The following C8A variants were observed in gnomAD, a reference collection of about 807,000 sequenced individuals.
C8A encodes complement C8 alpha chain, also known as complement component C8 alpha chain.
C8A carries 67 observed loss-of-function variants against 65.3 expected under a neutral mutation model. The observed-to-expected ratio is 1.03, with a 90% CI of 0.84 to 1.26. The LOEUF is 1.26. Ranked by LOEUF, C8A falls within the 50% of genes most tolerant of loss-of-function variation. C8A has a pLI of 0.00. For synonymous variants in C8A, 290 were observed against 259.4 expected, an observed-to-expected ratio of 1.12 and a Z score of -1.13; for missense variants, 781 against 723.9, an observed-to-expected ratio of 1.08 and a Z score of -0.90.
At chr1:56,916,089 G>C (rs1644548902) in intron 10 of C8A, among the ~76,000 whole-genome samples, 1 of 152,206 alleles carries the variant, frequency 6.6e-6, no homozygotes, top group African/African-American at 2.4e-5. Context: ...GCCTCTCCAT[G>C]GTCCAGTGCC....
chr1:56,866,146 T>C (rs914179160), intron 1 of C8A, among the ~76,000 whole-genome samples: 2 of 152,190 alleles, frequency 1.3e-5, no homozygotes, highest in African/African-American at 4.8e-5. Context: ...TACATAACCA[T>C]GTGAGGCTGA....
chr1:56,886,056 A>G lies in C8A; in HGVS notation c.985A>G (p.Met329Val). Residue 329 changes from methionine to valine, a missense_variant, in exon 7 of 11, where the codon ATG (methionine) becomes GTG (valine). Met to Val is a conservative substitution (Grantham distance 21, BLOSUM62 1). Coordinates refer to ENST00000361249, the MANE Select transcript of C8A (RefSeq NM_000562.3). The part of the protein sequence containing the change: ...MELPDQYNYG[M>V]YAKFINDYGT... Reference sequence around the variant, plus strand: ...GCTTCCAGATCAGTACAATTATGGCATGTATGCCAAGTTCATCAATGACTA... The same window carrying G: ...GCTTCCAGATCAGTACAATTATGGCGTGTATGCCAAGTTCATCAATGACTA... 1.2e-6 allele frequency: 2 copies of G among 1,614,092 alleles called. No individual in the cohort carries two copies. Among genetic ancestry groups the G allele is most frequent in the African/African-American group, 1.3e-5 (1 of 75,070 alleles).
chr1:56,884,370 G>A (rs1000400627), intron 6 of C8A, among the ~76,000 whole-genome samples: 2 of 152,144 alleles, frequency 1.3e-5, no homozygotes, highest in African/African-American at 4.8e-5. Context: ...TGAGGTTGGA[G>A]ATGTAATCAG....
At chr1:56,861,157 A>C (rs966559957) in intron 1 of C8A, among the ~76,000 whole-genome samples, 1 of 152,198 alleles carries the variant, frequency 6.6e-6, no homozygotes, top group Non-Finnish European at 1.5e-5. Context: ...AGCACCTATT[A>C]TATGCCAGGT....
chr1:56,903,362 G>A (rs184035966), intron 7 of C8A, among the ~76,000 whole-genome samples: 2 of 152,250 alleles, frequency 1.3e-5, no homozygotes. Flanking sequence ...GGTGCCATGG[G>A]AAGAAGGATG....
At chr1:56,858,314 CAGAT>C (rs1020193450) in intron 1 of C8A, among the ~76,000 whole-genome samples, 1 of 152,246 alleles carries the variant, frequency 6.6e-6, no homozygotes, top group South Asian at 2.1e-4. Context: ...CAAGATAACT[CAGAT>C]AGGCATTTAT....
chr1:56,915,656 A>C (rs1285860145), intron 10 of C8A, among the ~76,000 whole-genome samples: 1 of 152,152 alleles, frequency 6.6e-6, no homozygotes, highest in African/African-American at 2.4e-5. Context: ...TTTCCCAAGA[A>C]CCTTATGACA....
chr1:56,911,823 C>A (rs1375775048), intron 9 of C8A, among the ~76,000 whole-genome samples: 1 of 151,920 alleles, frequency 6.6e-6, no homozygotes, highest in African/African-American at 2.4e-5. Context: ...AACAACACTA[C>A]CTGTCAAGGA....
At chr1:56,860,044 C>G (rs776748074) in intron 1 of C8A, among the ~76,000 whole-genome samples, 2 of 152,102 alleles carry the variant, frequency 1.3e-5, no homozygotes, top group African/African-American at 4.8e-5. Context: ...GTCTGAGCAG[C>G]AGAGCAAGAC....
At chr1:56,901,838 G>A (rs746493513) in intron 7 of C8A, among the ~76,000 whole-genome samples, 6 of 151,956 alleles carry the variant, frequency 3.9e-5, no homozygotes, top group Admixed American at 2.0e-4. Context: ...TGACCCTGCT[G>A]CCCTGTGTCA....
chr1:56,863,363 C>T (rs1276368744), intron 1 of C8A, among the ~76,000 whole-genome samples: 1 of 152,122 alleles, frequency 6.6e-6, no homozygotes, highest in Non-Finnish European at 1.5e-5. Context: ...TTTCTGTACT[C>T]TGGCCTGCGT....
At chr1:56,912,843 G>A (rs915113851) in intron 10 of C8A, among the ~76,000 whole-genome samples, 1 of 152,080 alleles carries the variant, frequency 6.6e-6, no homozygotes, top group African/African-American at 2.4e-5. Flanking sequence ...ACTGTTTTTC[G>A]CCAAGATGTA....
chr1:56,869,358 T>C (rs1159655910), intron 2 of C8A, among the ~76,000 whole-genome samples: 1 of 152,228 alleles, frequency 6.6e-6, no homozygotes, highest in Non-Finnish European at 1.5e-5. Context: ...TTTCATTCCA[T>C]TTTATGGTTG....
chr1:56,867,539 T>C, intron 1 of C8A, 70 bp from the exon 2 acceptor site: 1 of 1,083,946 alleles, frequency 9.2e-7, no homozygotes, highest in Non-Finnish European at 1.4e-6. Context: ...GGAAGGAAAA[T>C]GTGCACAGCT....
At chr1:56,870,795 C>A (rs1403645312) in intron 2 of C8A, among the ~76,000 whole-genome samples, 1 of 151,916 alleles carries the variant, frequency 6.6e-6, no homozygotes, top group Non-Finnish European at 1.5e-5. Flanking sequence ...TTTAAAGTAA[C>A]CCTTAAAATA....
At chr1:56,884,833 G>T (rs948297717) in intron 6 of C8A, among the ~76,000 whole-genome samples, 2 of 151,946 alleles carry the variant, frequency 1.3e-5, no homozygotes, top group African/African-American at 4.8e-5. Context: ...ACTCCATGGG[G>T]GCAGGAGCCT....
chr1:56,881,625 CCACT>C lies in C8A; in HGVS notation c.646_649del (p.His216LeufsTer34). 1 of 1,612,994 alleles carries C rather than the reference CCACT, an allele frequency of 6.2e-7. No homozygotes were observed. The highest frequency in any genetic ancestry group is 8.5e-7 in the Non-Finnish European group (1 of 1,179,642). On this transcript the variant is annotated frameshift_variant, in exon 5 of 11. Coordinates refer to ENST00000361249, the MANE Select transcript of C8A (RefSeq NM_000562.3). LOFTEE classifies it high-confidence loss of function. The stretch of plus-strand genomic sequence containing the variant: ...GGAAACCCTACAACTTTCTGAAGTA[CCACT>C]TTGAAGTAAGTCTGAACAGAGGGGC...
chr1:56,885,555 G>GT (rs201414278), intron 6 of C8A, among the ~76,000 whole-genome samples: 20,094 of 126,246 alleles, frequency 0.16, 1,810 homozygotes, highest in East Asian at 0.31. Context: ...TTTCTTTTTT[G>GT]TTTTTTTTTG....
At chr1:56,901,713 A>T (rs1041318775) in intron 7 of C8A, among the ~76,000 whole-genome samples, 2 of 152,072 alleles carry the variant, frequency 1.3e-5, no homozygotes, top group African/African-American at 2.4e-5. Flanking sequence ...CTGAGGAAAC[A>T]AGTCCTCTGC....
Sources: gnomAD v4.1 joint callset for allele counts (sites outside exome capture counted in the v4.1 genomes callset) on GRCh38, gnomAD v4.1.1 for gene constraint, MANE v1.5 for transcripts, NCBI Gene and HGNC (gene_info 2026-07-23, HGNC 2026-07-21) for gene names.